INPPL1: variants seen among roughly 807,000 people sequenced by gnomAD.
The protein encoded by INPPL1 is phosphatidylinositol 3,4,5-trisphosphate 5-phosphatase 2.
INPPL1 carries 91 observed loss-of-function variants against 139.3 expected under a neutral mutation model. The observed-to-expected ratio is 0.65, with a 90% CI of 0.55 to 0.78. The LOEUF is 0.78. INPPL1 is among the 30% of genes least tolerant of loss of function. INPPL1 has a pLI of 0.00. For synonymous variants in INPPL1, 719 were observed against 686.6 expected (o/e 1.05, Z -0.74); for missense variants, 1,411 against 1,665.6 (o/e 0.85, Z 2.66).
intron 1 of INPPL1, among the ~76,000 whole-genome samples, chr11:72,227,053 C>G (rs1282140830): frequency 6.6e-6 from 1 of 152,136 alleles, no homozygotes; most frequent in Non-Finnish European, 1.5e-5. Context: ...TGGGCAATAT[C>G]TTAGATTTGC....
Position 72,231,055 on chromosome 11 carries a change from C to T in INPPL1, c.1363C>T (p.Leu455=). The part of the protein sequence containing the change: ...WFTSKGLGKT[L]DEVTVTIPHD... ...CACATCGAAGGGTCTGGGGAAGACC[C>T]TGGACGAGGTCACAGTGACCATACC... The change falls in exon 12 of 28, where the codon CTG becomes TTG. Residue 455 remains leucine, a synonymous_variant. Transcript: ENST00000298229. The T allele has an allele frequency of 6.2e-7, 1 of 1,614,150 alleles. No homozygotes were observed. The highest frequency in any genetic ancestry group is 8.5e-7 in the Non-Finnish European group (1 of 1,180,038).
chr11:72,238,373 CTG>C lies in INPPL1; in HGVS notation c.*23_*24del. On this transcript the variant is annotated 3_prime_UTR_variant, in exon 28 of 28. Transcript: ENST00000298229. The stretch of plus-strand genomic sequence containing the variant: ...AAGTGATAGCGGAGGCACCACGAAG[CTG>C]TGAACTCAGAGCCCCTCCCTGCTAC... The C allele has an allele frequency of 6.6e-7, 1 of 1,517,292 alleles. No individual in the cohort carries two copies. The highest frequency in any genetic ancestry group is 8.8e-7 in the Non-Finnish European group (1 of 1,133,794). The allele number at this position is 1,517,292 out of a possible 1,614,324, so 94.0% of individuals were successfully genotyped here. A position where few individuals can be genotyped will look rare whatever the true frequency, so the allele number is the denominator to read the frequency against.
At chr11:72,229,870 C>T in intron 7 of INPPL1, 54 bp from the exon 8 acceptor site, 1 of 1,582,666 alleles carries the variant, frequency 6.3e-7, no homozygotes, top group Non-Finnish European at 8.7e-7. Flanking sequence ...GTGTCCCTCC[C>T]TGCCCCAGCC....
chr11:72,234,470 G>C lies in INPPL1; in HGVS notation c.2327-57G>C, dbSNP rs138958741. The C allele has an allele frequency of 3.2e-4, 509 of 1,592,176 alleles. 1 individual carries two copies. The African/African-American group carries it at 6.3e-3, about 20-fold the overall frequency. ...GAGGGTGCAGTCAGCCCCCTACTTAGGGGGAAAGGAAGCTGAGAGGTGGTG... is the reference window on the plus strand; with the variant it reads ...GAGGGTGCAGTCAGCCCCCTACTTACGGGGAAAGGAAGCTGAGAGGTGGTG... On this transcript the variant is annotated intron_variant, in intron 20 of 27. Transcript: ENST00000298229. The surrounding 1 kb of genome is among the most constrained non-coding windows in gnomAD (Gnocchi z 4.2).
Position 72,225,047 on chromosome 11 carries a change from G to T in INPPL1, c.63G>T (p.Trp21Cys). Residue 21 changes from tryptophan (W) to cysteine (C), a missense_variant, in exon 1 of 28, where the codon TGG becomes TGT. By Grantham distance (215) the Trp-to-Cys change is radical. Coordinates refer to ENST00000298229, the MANE Select transcript of INPPL1 (RefSeq NM_001567.4). The part of the protein sequence containing the change: ...GGALGSQAPS[W>C]YHRDLSRAAA... ...CCCTGGGCAGCCAGGCCCCCTCCTG[G>T]TACCACCGCGACCTGAGCCGGGCGG... 8.1e-7 allele frequency: 1 copy of T among 1,230,202 alleles called. No individual in the cohort carries two copies. Among genetic ancestry groups the T allele is most frequent in the Non-Finnish European group, 1.0e-6 (1 of 987,514 alleles). The allele number at this position is 1,230,202 out of a possible 1,614,324, so 76.2% of individuals were successfully genotyped here. A position where few individuals can be genotyped will look rare whatever the true frequency, so the allele number is the denominator to read the frequency against.
upstream of INPPL1, among the ~76,000 whole-genome samples, chr11:72,224,603 G>A (rs1490443790): frequency 6.7e-6 from 1 of 148,976 alleles, no homozygotes; most frequent in African/African-American, 2.5e-5. Flanking sequence ...TCATTGTGGG[G>A]TCTGGGAGGT....
In INPPL1 at chr11:72,235,079, G is replaced by A. The variant is rs750034087; in HGVS notation, c.2416-37G>A. On this transcript the variant is annotated intron_variant, in intron 21 of 27. Transcript: ENST00000298229. This position sits in a 1 kb window ranked among gnomAD's most constrained non-coding sequence, Gnocchi z 4.9. ...CGTAGGAGGGGCAGGAGGAAGTGGC[G>A]GGGCTTTGTTCCTCACTGGGCCTCC... 6 of 1,552,102 alleles carry A rather than the reference G, an allele frequency of 3.9e-6. No individual in the cohort carries two copies. Among genetic ancestry groups the A allele is most frequent in the South Asian group, 2.3e-5 (2 of 88,696 alleles).
At position 72,229,204 on chromosome 11, in the gene INPPL1, C is replaced by A; in HGVS notation, c.633C>A (p.Leu211=). 1 of 1,612,254 alleles carries A rather than the reference C, an allele frequency of 6.2e-7. No individual in the cohort carries two copies. Among genetic ancestry groups the A allele is most frequent in the South Asian group, 1.1e-5 (1 of 90,884 alleles). The stretch of plus-strand genomic sequence containing the variant: ...ACCTGCCCCACCTCACCCGTACCCT[C>A]GCTACCTCATGCCGGAGGCTGCACA... ...ASHLPHLTRT[L]ATSCRRLHSE... is the part of the protein sequence containing the mutation. The change falls in exon 5 of 28, where the codon CTC becomes CTA. Residue 211 remains leucine (L), a synonymous_variant. Coordinates refer to ENST00000298229, the MANE Select transcript of INPPL1 (RefSeq NM_001567.4).
Position 72,229,112 on chromosome 11 carries a change from G to A in INPPL1, c.541G>A (p.Val181Ile), listed in dbSNP as rs367550395. 1.7e-5 allele frequency: 27 copies of A among 1,613,020 alleles called. No individual in the cohort carries two copies. The highest frequency in any genetic ancestry group is 6.7e-5 in the African/African-American group (5 of 74,914). The change falls in exon 5 of 28, where the codon GTC (valine) becomes ATC (isoleucine). Residue 181 changes from valine to isoleucine, a missense_variant. Physicochemically the swap from Val to Ile is conservative, Grantham distance 29. Coordinates refer to ENST00000298229, the MANE Select transcript of INPPL1 (RefSeq NM_001567.4). ...AESAPNGLST[V>I]SHDYLKGSYG... ...AAGTGCTCCCAATGGGCTGAGCACC[G>A]TCTCGCACGACTACCTGAAAGGCAG...
chr11:72,232,094 G>T, intron 13 of INPPL1, 146 bp from the exon 14 acceptor site: 1 of 671,138 alleles, frequency 1.5e-6, no homozygotes, highest in Non-Finnish European at 2.6e-6. Context: ...CAGGGAAGGT[G>T]TGGGTGTGTG....
Position 72,228,660 on chromosome 11 carries a change from GC to G in INPPL1, c.398-66del, listed in dbSNP as rs1184330924. The G allele has an allele frequency of 6.4e-7, 1 of 1,571,186 alleles. No homozygotes were observed. Among genetic ancestry groups the G allele is most frequent in the Non-Finnish European group, 8.6e-7 (1 of 1,156,416 alleles). ...TTTCCATGGAAGTCACTTTACAGCT[GC>G]ATCGTGCCTCCTACTCCACTGAGTG... On this transcript the variant is annotated intron_variant, in intron 3 of 27. Transcript: ENST00000298229. The surrounding 1 kb of genome is among the most constrained non-coding windows in gnomAD (Gnocchi z 5.0).
chr11:72,230,648 A>G, intron 10 of INPPL1, 148 bp from the exon 11 acceptor site: 5 of 838,020 alleles, frequency 6.0e-6, no homozygotes, highest in Non-Finnish European at 9.6e-6. Flanking sequence ...AACATTTGCC[A>G]GCACTGTTAT....
At position 72,228,358 on chromosome 11, in the gene INPPL1, G is replaced by C. The variant is rs1248685249; in HGVS notation, c.257G>C (p.Gly86Ala). ...EDFLAVQTSQ[G>A]VPVRRFQTLG... ...CTTGCTGGCCCACAGACCTCGCAGG[G>C]TGTGCCTGTGCGCCGCTTCCAGACC... The change falls in exon 3 of 28, where the codon GGT becomes GCT. Residue 86 changes from glycine (G) to alanine (A), a missense_variant. Gly to Ala is a moderately conservative substitution (Grantham distance 60). Transcript: ENST00000298229. This position sits in a 1 kb window ranked among gnomAD's most constrained non-coding sequence, Gnocchi z 5.0. 35 of 1,613,696 alleles carry C rather than the reference G, an allele frequency of 2.2e-5. No homozygotes were observed. The highest frequency in any genetic ancestry group is 3.0e-5 in the Non-Finnish European group (35 of 1,179,964).
At chr11:72,224,536 C>G (rs1948610704), upstream of INPPL1, among the ~76,000 whole-genome samples, 1 of 135,682 alleles carries the variant, frequency 7.4e-6, no homozygotes, top group African/African-American at 2.9e-5. Flanking sequence ...TGGGGGGACT[C>G]GGATTTCGAT....
At position 72,231,195 on chromosome 11, in the gene INPPL1, G is replaced by A. The variant is rs113752993; in HGVS notation, c.1497+6G>A. On this transcript the variant is annotated splice_donor_region_variant and intron_variant, in intron 12 of 27. Coordinates refer to ENST00000298229, the MANE Select transcript of INPPL1 (RefSeq NM_001567.4). ...CGGATCTGGATTACCGCCCGGTGAG[G>A]GGGGGTCATCTTGTCCAGGACCCTG... The A allele has an allele frequency of 4.4e-6, 7 of 1,607,576 alleles. No homozygotes were observed. The highest frequency in any genetic ancestry group is 1.7e-4 in the Middle Eastern group (1 of 6,048).
At position 72,234,730 on chromosome 11, in the gene INPPL1, A is replaced by AGTGTGT. The variant is rs1205029574; in HGVS notation, c.2415+116_2415+117insTGTGTG. 28 of 567,690 alleles carry AGTGTGT rather than the reference A, an allele frequency of 4.9e-5. No homozygotes were observed. Among genetic ancestry groups the AGTGTGT allele is most frequent in the Admixed American group, 2.8e-4 (10 of 35,210 alleles). The allele number at this position is 567,690 out of a possible 1,614,324, so 35.2% of individuals were successfully genotyped here. A position where few individuals can be genotyped will look rare whatever the true frequency, so the allele number is the denominator to read the frequency against. On this transcript the variant is annotated intron_variant, in intron 21 of 27. Transcript: ENST00000298229. This position sits in a 1 kb window ranked among gnomAD's most constrained non-coding sequence, Gnocchi z 4.2. Reference sequence around the variant, plus strand: ...GTGGGGCCAGCAGAGAGAGAGAGAGAGAGTGTGTGTGTGTGTGTGTGTGTG... The same window carrying AGTGTGT: ...GTGGGGCCAGCAGAGAGAGAGAGAGAGTGTGTGAGTGTGTGTGTGTGTGTGTGTGTG...
chr11:72,232,273 T>G lies in INPPL1; in HGVS notation c.1649T>G (p.Phe550Cys), dbSNP rs1948856057. ...GGGGCTGTGGGCGTCTCCTTCATGTTTAATGGCACCTCATTTGGCTTTGTG... is the reference window on the plus strand; with the variant it reads ...GGGGCTGTGGGCGTCTCCTTCATGTGTAATGGCACCTCATTTGGCTTTGTG... ...NKGAVGVSFM[F>C]NGTSFGFVNC... Residue 550 changes from phenylalanine to cysteine, a missense_variant, in exon 14 of 28, where the codon TTT (phenylalanine) becomes TGT (cysteine). Around this residue, in one of 5 missense-constraint regions of INPPL1, gnomAD observed 363 missense variants for 446.2 expected, o/e 0.81. Coordinates refer to ENST00000298229, the MANE Select transcript of INPPL1 (RefSeq NM_001567.4). 1 of 1,557,628 alleles carries G rather than the reference T, an allele frequency of 6.4e-7. No homozygotes were observed. The highest frequency in any genetic ancestry group is 1.9e-5 in the Admixed American group (1 of 51,566).
chr11:72,227,987 T>C (rs1948721396), intron 1 of INPPL1: 5 of 469,424 alleles, frequency 1.1e-5, no homozygotes, highest in African/African-American at 2.2e-5. Context: ...GGGGGTGTTC[T>C]GGTCATTCCT....
At chr11:72,229,298 T>C in intron 5 of INPPL1, 68 bp downstream of exon 5, 1 of 1,500,458 alleles carries the variant, frequency 6.7e-7, no homozygotes, top group African/African-American at 1.4e-5. Flanking sequence ...GCTTCCCGGC[T>C]GCACAGGTGC....
Sources: gnomAD v4.1 joint callset for allele counts (sites outside exome capture counted in the v4.1 genomes callset) on GRCh38, gnomAD v4.1.1 for gene constraint, gnomAD v4.1.1 regional missense constraint, Gnocchi (gnomAD v3.1) non-coding constraint, MANE v1.5 for transcripts, NCBI Gene and HGNC (gene_info 2026-07-23, HGNC 2026-07-21) for gene names.